FUT9: variants seen among roughly 807,000 people sequenced by gnomAD.
The protein encoded by FUT9 is 4-galactosyl-N-acetylglucosaminide 3-alpha-L-fucosyltransferase 9.
A neutral mutation model predicts 29.7 loss-of-function variants in FUT9; 15 were observed. The ratio of observed to expected loss-of-function variants is 0.51; its 90% CI spans 0.34 to 0.78. FUT9 has a LOEUF of 0.78. Ranked by LOEUF, FUT9 falls within the 30% of genes least tolerant of loss-of-function variation. The pLI is 0.01. For missense variants in FUT9, 319 were observed against 425.4 expected, an observed-to-expected ratio of 0.75 and a Z score of 2.20; for synonymous variants, 169 against 153.7, an observed-to-expected ratio of 1.10 and a Z score of -0.74.
At chr6:96,133,898 T>A (rs560023020) in intron 2 of FUT9, among the ~76,000 whole-genome samples, 2 of 151,898 alleles carry the variant, frequency 1.3e-5, no homozygotes, top group Non-Finnish European at 2.9e-5. Context: ...CGAATAAGGA[T>A]AGTTTCACTT....
rs1773876967 is a variant in FUT9 at position 96,208,569 on chromosome 6, A to G, written c.*4334A>G. 2 of 166,860 alleles carry G rather than the reference A, an allele frequency of 1.2e-5. No homozygotes were observed. The highest frequency in any genetic ancestry group is 2.9e-5 in the Non-Finnish European group (2 of 67,986). The allele number at this position is 166,860 out of a possible 1,614,324, so 10.3% of individuals were successfully genotyped here. Reference sequence around the variant, plus strand: ...GTAGTGACAATGTTTATTGGTACCAATTGGAGATGATATTTTATATTTATT... The same window carrying G: ...GTAGTGACAATGTTTATTGGTACCAGTTGGAGATGATATTTTATATTTATT... On this transcript the variant is annotated 3_prime_UTR_variant, in exon 3 of 3. Coordinates refer to ENST00000302103, the MANE Select transcript of FUT9 (RefSeq NM_006581.4).
chr6:96,142,342 A>G (rs569159363), intron 2 of FUT9, among the ~76,000 whole-genome samples: 5 of 152,188 alleles, frequency 3.3e-5, no homozygotes, highest in Non-Finnish European at 7.4e-5. Context: ...AAAATGAAGC[A>G]CAATCCAGTT....
intron 2 of FUT9, among the ~76,000 whole-genome samples, chr6:96,197,011 C>T (rs909384733): frequency 6.6e-6 from 1 of 152,076 alleles, no homozygotes; most frequent in African/African-American, 2.4e-5. Flanking sequence ...GTTTCTACTG[C>T]TTGCTTTAGG....
At chr6:96,195,556 G>A (rs1179024290) in intron 2 of FUT9, among the ~76,000 whole-genome samples, 2 of 152,158 alleles carry the variant, frequency 1.3e-5, no homozygotes, top group Non-Finnish European at 2.9e-5. Context: ...ACTTAGAGGA[G>A]GAATGCCCAT....
intron 1 of FUT9, among the ~76,000 whole-genome samples, chr6:96,021,419 T>G (rs1770067377): frequency 6.6e-6 from 1 of 151,980 alleles, no homozygotes; most frequent in African/African-American, 2.4e-5. Flanking sequence ...ACTAAGTATA[T>G]ACTTTTAAAG....
At chr6:96,169,736 T>C (rs943745183) in intron 2 of FUT9, among the ~76,000 whole-genome samples, 10 of 152,176 alleles carry the variant, frequency 6.6e-5, no homozygotes, top group African/African-American at 2.4e-4. Context: ...TTAAATGCTC[T>C]GTGTTTACCA....
intron 2 of FUT9, among the ~76,000 whole-genome samples, chr6:96,180,664 T>C (rs1773289385): frequency 6.6e-6 from 1 of 152,114 alleles, no homozygotes; most frequent in South Asian, 2.1e-4. Context: ...TTCTGCTCTC[T>C]GCTTCTGTAA....
intron 2 of FUT9, among the ~76,000 whole-genome samples, chr6:96,125,694 C>G (rs1772121302): frequency 6.6e-6 from 1 of 152,066 alleles, no homozygotes; most frequent in African/African-American, 2.4e-5. Context: ...CCTCAGAGCC[C>G]CATGCAACAG....
At chr6:96,039,401 G>C (rs899624856) in intron 1 of FUT9, among the ~76,000 whole-genome samples, 5 of 151,996 alleles carry the variant, frequency 3.3e-5, no homozygotes, top group Non-Finnish European at 5.9e-5. Context: ...CTCTCCATTA[G>C]CTCCTCACCA....
In FUT9 at chr6:96,205,875, C is replaced by CCCAGCA. The variant is rs1279276235; in HGVS notation, c.*1645_*1650dup. 1 of 166,818 alleles carries CCCAGCA rather than the reference C, an allele frequency of 6.0e-6. No homozygotes were observed. The allele number at this position is 166,818 out of a possible 1,614,324, so 10.3% of individuals were successfully genotyped here. On this transcript the variant is annotated 3_prime_UTR_variant, in exon 3 of 3. Coordinates refer to ENST00000302103, the MANE Select transcript of FUT9 (RefSeq NM_006581.4). ...CTATCTTGTGAGAGAATAAGCTCAC[C>CCCAGCA]CCAGCACCAGAAAGATTTGAGCAGA...
At chr6:96,056,065 G>T (rs895071202) in intron 1 of FUT9, among the ~76,000 whole-genome samples, 5 of 152,054 alleles carry the variant, frequency 3.3e-5, no homozygotes, top group African/African-American at 7.2e-5. Context: ...TTTTAAAAAA[G>T]AATTTATATT....
intron 1 of FUT9, among the ~76,000 whole-genome samples, chr6:96,024,595 C>CACACACACATTGTG (rs1363427152): frequency 2.0e-5 from 3 of 151,722 alleles, no homozygotes; most frequent in Non-Finnish European, 4.4e-5. Context: ...CTCTGGCTGA[C>CACACACACATTGTG]TCAGTCTTGG....
At chr6:96,086,461 A>G (rs1031347610) in intron 1 of FUT9, among the ~76,000 whole-genome samples, 3 of 152,162 alleles carry the variant, frequency 2.0e-5, no homozygotes, top group African/African-American at 7.2e-5. Flanking sequence ...GATATAGTGA[A>G]TCAACTCATT....
chr6:96,193,532 T>C (rs898653513), intron 2 of FUT9, among the ~76,000 whole-genome samples: 4 of 151,524 alleles, frequency 2.6e-5, no homozygotes, highest in Admixed American at 6.6e-5. Context: ...AGAATGGCAA[T>C]CATGAAAAAA....
intron 1 of FUT9, among the ~76,000 whole-genome samples, chr6:96,030,209 C>T (rs895219914): frequency 2.6e-5 from 4 of 151,496 alleles, no homozygotes; most frequent in Non-Finnish European, 4.4e-5. Context: ...TTACAAAATA[C>T]ACATCATAAA....
intron 2 of FUT9, among the ~76,000 whole-genome samples, chr6:96,116,652 G>A (rs1289465730): frequency 6.6e-6 from 1 of 152,166 alleles, no homozygotes; most frequent in Non-Finnish European, 1.5e-5. Flanking sequence ...GAACGTTTTA[G>A]TGCATCTTGC....
In FUT9 at chr6:96,203,200, C is replaced by G; in HGVS notation, c.45C>G (p.Val15=). The change falls in exon 3 of 3, where the codon GTC becomes GTG. Residue 15 remains valine, a synonymous_variant. Coordinates refer to ENST00000302103, the MANE Select transcript of FUT9 (RefSeq NM_006581.4). The part of the protein sequence containing the change: ...SKGILRPFLI[V]CIILGCFMAC... Reference sequence around the variant, plus strand: ...GAATTCTTCGCCCATTTTTAATTGTCTGCATTATCCTGGGCTGTTTCATGG... The same window carrying G: ...GAATTCTTCGCCCATTTTTAATTGTGTGCATTATCCTGGGCTGTTTCATGG... 6.2e-7 allele frequency: 1 copy of G among 1,605,168 alleles called. No individual in the cohort carries two copies. Among genetic ancestry groups the G allele is most frequent in the East Asian group, 2.2e-5 (1 of 44,770 alleles).
At chr6:96,160,479 C>A (rs1772876473) in intron 2 of FUT9, among the ~76,000 whole-genome samples, 1 of 152,090 alleles carries the variant, frequency 6.6e-6, no homozygotes, top group Non-Finnish European at 1.5e-5. Flanking sequence ...TCTGGTGAAA[C>A]AATTGGTAAG....
At chr6:96,085,994 A>C (rs1163281200) in intron 1 of FUT9, among the ~76,000 whole-genome samples, 1 of 152,186 alleles carries the variant, frequency 6.6e-6, no homozygotes, top group Non-Finnish European at 1.5e-5. Context: ...CTTATTCATC[A>C]GTAGGACAAT....
Sources: gnomAD v4.1 joint callset for allele counts (sites outside exome capture counted in the v4.1 genomes callset) on GRCh38, gnomAD v4.1.1 for gene constraint, MANE v1.5 for transcripts, NCBI Gene and HGNC (gene_info 2026-07-23, HGNC 2026-07-21) for gene names.